Variants in MYO5A observed in about 807,000 individuals in gnomAD.
MYO5A encodes myosin VA, also known as unconventional myosin-Va.
In MYO5A, 98 loss-of-function variants were observed where a neutral mutation model predicts 249.7. The ratio of observed to expected loss-of-function variants is 0.39; its 90% CI spans 0.33 to 0.46. MYO5A has a LOEUF of 0.46. Ranked by LOEUF, MYO5A falls within the 20% of genes least tolerant of loss-of-function variation. The pLI is 0.98. For synonymous variants in MYO5A, 778 were observed against 810.6 expected (o/e 0.96, Z 0.68); for missense variants, 1,696 against 2,308.8 (o/e 0.73, Z 5.44).
chr15:52,458,097 T>C (rs150048095), intron 1 of MYO5A, among the ~76,000 whole-genome samples: 2 of 152,248 alleles, frequency 1.3e-5, no homozygotes, highest in African/African-American at 4.8e-5. Context: ...TACTAGAGGC[T>C]AGAAGGGTGT....
chr15:52,405,129 T>G (rs1388996529), intron 9 of MYO5A, among the ~76,000 whole-genome samples, 158 bp downstream of exon 9: 1 of 152,060 alleles, frequency 6.6e-6, no homozygotes, highest in Non-Finnish European at 1.5e-5. Context: ...ATTTCTTTAT[T>G]CTCAGTTTGA....
At chr15:52,507,225 T>C (rs566899983) in intron 1 of MYO5A, among the ~76,000 whole-genome samples, 22 of 152,364 alleles carry the variant, frequency 1.4e-4, no homozygotes, top group Non-Finnish European at 2.6e-4. Context: ...GACACATGTC[T>C]ATATTACACA....
chr15:52,343,248 T>C (rs372688469), intron 30 of MYO5A, 51 bp from the exon 31 acceptor site: 4 of 1,465,850 alleles, frequency 2.7e-6, no homozygotes, highest in Admixed American at 3.3e-5. Context: ...TACAGGATGC[T>C]GATGAGGTGA....
intron 13 of MYO5A, among the ~76,000 whole-genome samples, chr15:52,388,654 A>C (rs1426244092): frequency 6.6e-6 from 1 of 152,184 alleles, no homozygotes; most frequent in Non-Finnish European, 1.5e-5. Context: ...TGATTTTCTA[A>C]GTACACTATA....
At position 52,528,849 on chromosome 15, in the gene MYO5A, G is replaced by A. The variant is rs760616432; in HGVS notation, c.-43C>T. The A allele has an allele frequency of 2.8e-6, 4 of 1,447,404 alleles. No individual in the cohort carries two copies. Among genetic ancestry groups the A allele is most frequent in the Admixed American group, 2.5e-5 (1 of 39,260 alleles). The allele number at this position is 1,447,404 out of a possible 1,614,324, so 89.7% of individuals were successfully genotyped here. A position where few individuals can be genotyped will look rare whatever the true frequency, so the allele number is the denominator to read the frequency against. On this transcript the variant is annotated 5_prime_UTR_variant, in exon 1 of 42. Transcript: ENST00000399233. The stretch of plus-strand genomic sequence containing the variant: ...TACGCCCCCCGCCTGTGCGGAGGCC[G>A]CACCTCGCCTGGGCGGCCGCCCGAG...
At chr15:52,517,511 C>A (rs1595833179) in intron 1 of MYO5A, among the ~76,000 whole-genome samples, 1 of 152,148 alleles carries the variant, frequency 6.6e-6, no homozygotes, top group Non-Finnish European at 1.5e-5. Flanking sequence ...ATGGTGAAAT[C>A]CCGTCTCTAC....
At chr15:52,316,898 T>C in intron 40 of MYO5A, 150 bp downstream of exon 40, 1 of 792,512 alleles carries the variant, frequency 1.3e-6, no homozygotes, top group Non-Finnish European at 2.0e-6. Context: ...CAAAATCTCC[T>C]TGCTTTAAGA....
At chr15:52,354,816 T>G (rs1407369179) in intron 25 of MYO5A, among the ~76,000 whole-genome samples, 2 of 148,504 alleles carry the variant, frequency 1.3e-5, no homozygotes, top group East Asian at 4.0e-4. Context: ...ATTGCGCCAC[T>G]GCACTCCAGC....
chr15:52,516,791 T>C (rs543417796), intron 1 of MYO5A, among the ~76,000 whole-genome samples: 6 of 152,368 alleles, frequency 3.9e-5, no homozygotes, highest in African/African-American at 1.4e-4. Context: ...CACTGTTAAT[T>C]TGTTCTAATT....
In MYO5A at chr15:52,370,294, C is replaced by T; in HGVS notation, c.2941G>A (p.Ala981Thr). The T allele has an allele frequency of 1.2e-6, 2 of 1,614,150 alleles. No homozygotes were observed. The highest frequency in any genetic ancestry group is 3.3e-5 in the Admixed American group (2 of 60,008). The change falls in exon 22 of 42, where the codon GCC becomes ACC. Residue 981 changes from alanine to threonine, a missense_variant. Physicochemically the swap from Ala to Thr is moderately conservative, Grantham distance 58. Transcript: ENST00000399233. ...TGCAGACTAAGGACCCGCCCAGTGG[C>T]AACTTTCGCTTCCTCTTCACTTAGT... ...LQLSEEEAKV[A>T]TGRVLSLQEE...
intron 1 of MYO5A, among the ~76,000 whole-genome samples, chr15:52,444,419 C>T (rs557642733): frequency 8.5e-5 from 13 of 152,218 alleles, no homozygotes; most frequent in South Asian, 6.2e-4. Context: ...AAGAAAAGTC[C>T]TAACTTTACT....
At chr15:52,347,294 T>C (rs1400946235) in intron 29 of MYO5A, among the ~76,000 whole-genome samples, 2 of 152,168 alleles carry the variant, frequency 1.3e-5, no homozygotes, top group Non-Finnish European at 2.9e-5. Flanking sequence ...CATGGAACTA[T>C]GTAACAAACC....
At chr15:52,358,308 C>T (rs1011818189) in intron 25 of MYO5A, among the ~76,000 whole-genome samples, 1 of 152,166 alleles carries the variant, frequency 6.6e-6, no homozygotes, top group African/African-American at 2.4e-5. Flanking sequence ...TACTTCCCTC[C>T]GACTATTGCA....
intron 9 of MYO5A, among the ~76,000 whole-genome samples, chr15:52,402,363 T>C (rs1352703598): frequency 1.3e-5 from 2 of 152,180 alleles, no homozygotes; most frequent in Non-Finnish European, 2.9e-5. Context: ...AATTGATTAC[T>C]AGCTCCCCAC....
At chr15:52,459,817 G>A (rs1272722406) in intron 1 of MYO5A, among the ~76,000 whole-genome samples, 1 of 151,728 alleles carries the variant, frequency 6.6e-6, no homozygotes, top group Non-Finnish European at 1.5e-5. Context: ...CCCAGACGGG[G>A]CGGCCGGGCA....
intron 33 of MYO5A, among the ~76,000 whole-genome samples, chr15:52,337,565 T>C (rs187160533): frequency 7.2e-5 from 11 of 152,370 alleles, no homozygotes; most frequent in African/African-American, 2.6e-4. Context: ...ACGTGACCTT[T>C]CAAATCACAT....
chr15:52,482,462 T>C (rs2076734313), intron 1 of MYO5A, among the ~76,000 whole-genome samples: 1 of 152,200 alleles, frequency 6.6e-6, no homozygotes, highest in African/African-American at 2.4e-5. Context: ...ATGTTGAACA[T>C]ATTGAAACAC....
At chr15:52,457,267 C>A (rs1014719140) in intron 1 of MYO5A, among the ~76,000 whole-genome samples, 2 of 151,904 alleles carry the variant, frequency 1.3e-5, no homozygotes, top group Non-Finnish European at 2.9e-5. Flanking sequence ...CATGGCGAAA[C>A]CCTATCTCTA....
In MYO5A at chr15:52,376,405, G is replaced by A. The variant is rs369876715; in HGVS notation, c.2362C>T (p.Arg788Cys). Reference sequence around the variant, plus strand: ...ATGGTGATGGCTGCCTTCCGCATGCGTAGGTACTTCTTTCTCAGCAGCCAC... The same window carrying A: ...ATGGTGATGGCTGCCTTCCGCATGCATAGGTACTTCTTTCTCAGCAGCCAC... ...RGWLLRKKYL[R>C]MRKAAITMQR... Residue 788 changes from arginine (R) to cysteine (C), a missense_variant, in exon 19 of 42, where the codon CGC (arginine) becomes TGC (cysteine). By Grantham distance (180) the Arg-to-Cys change is radical. Around this residue, in one of 5 missense-constraint regions of MYO5A, gnomAD observed 412 missense variants for 453.3 expected, o/e 0.91. Transcript: ENST00000399233. The A allele has an allele frequency of 3.9e-5, 63 of 1,614,008 alleles. No individual in the cohort carries two copies. The highest frequency in any genetic ancestry group is 1.0e-4 in the Admixed American group (6 of 59,998).
Sources: allele counts gnomAD v4.1 joint callset (sites outside exome capture counted in the v4.1 genomes callset), GRCh38; gene constraint gnomAD v4.1.1; regional missense constraint gnomAD v4.1.1; transcripts MANE v1.5; gene names NCBI Gene and HGNC (gene_info 2026-07-23, HGNC 2026-07-21).